IQGAP1: variants seen among roughly 807,000 people sequenced by gnomAD.
The protein encoded by IQGAP1 is IQ motif containing GTPase activating protein 1.
A neutral mutation model predicts 215.6 loss-of-function variants in IQGAP1; 66 were observed. That is an observed-to-expected ratio of 0.31 (90% CI 0.25 to 0.38). The LOEUF (loss-of-function observed/expected upper bound fraction) is 0.38, where lower values mean the gene tolerates loss of function less well. Among genes scored for constraint, IQGAP1 ranks in the 10% least tolerant of loss-of-function variants. The probability of loss-of-function intolerance (pLI) is 1.00; values close to 1 mark genes in which losing one functional copy is unlikely to be tolerated. For synonymous variants in IQGAP1, 772 were observed against 728.7 expected (o/e 1.06, Z -0.96); for missense variants, 1,712 against 1,997.1 (o/e 0.86, Z 2.72).
intron 35 of IQGAP1, among the ~76,000 whole-genome samples, chr15:90,493,272 T>C (rs1004241099): frequency 6.6e-6 from 1 of 151,892 alleles, no homozygotes; most frequent in African/African-American, 2.4e-5. Flanking sequence ...CCTTAGAAAT[T>C]AAAATCATGA....
At chr15:90,482,648 T>G in intron 28 of IQGAP1, 1 of 686,218 alleles carries the variant, frequency 1.5e-6, no homozygotes, top group Non-Finnish European at 1.8e-6. Context: ...TCAGCTATGC[T>G]CTTCTCTTTT....
At chr15:90,470,197 A>T (rs1270184700) in intron 18 of IQGAP1, among the ~76,000 whole-genome samples, 1 of 152,020 alleles carries the variant, frequency 6.6e-6, no homozygotes, top group Non-Finnish European at 1.5e-5. Flanking sequence ...CTCCCACTCT[A>T]CTCACCACTC....
chr15:90,469,104 G>T lies in IQGAP1; in HGVS notation c.2178+1512G>T, dbSNP rs533280623. 9.2e-5 allele frequency among the ~76,000 whole-genome samples: 14 copies of T among 152,312 alleles called. No homozygotes were observed. In the South Asian group the frequency reaches 2.9e-3, roughly 32 times the overall value. The stretch of plus-strand genomic sequence containing the variant: ...GAAGTTACATTGTCATTGATGGACT[G>T]TTGAGGACTTTTAAGTTTTAACTTG... On this transcript the variant is annotated intron_variant, in intron 18 of 37. Transcript: ENST00000268182.
chr15:90,397,119 G>A (rs1208011694), intron 2 of IQGAP1, among the ~76,000 whole-genome samples: 3 of 152,270 alleles, frequency 2.0e-5, no homozygotes, highest in South Asian at 2.1e-4. Context: ...CCCGCAAAGT[G>A]CTGGGATTAT....
chr15:90,455,198 G>C (rs62020734), intron 14 of IQGAP1, among the ~76,000 whole-genome samples: 27,384 of 152,036 alleles, frequency 0.18, 2,567 homozygotes, highest in South Asian at 0.23. Flanking sequence ...CCTGAGTTTT[G>C]GGTGTCCAGA....
chr15:90,421,283 C>T (rs187829099), intron 2 of IQGAP1, among the ~76,000 whole-genome samples: 42 of 152,262 alleles, frequency 2.8e-4, no homozygotes, highest in African/African-American at 9.9e-4. Flanking sequence ...CAGGACCAAC[C>T]TGGCCAACAT....
intron 11 of IQGAP1, among the ~76,000 whole-genome samples, chr15:90,451,662 T>C (rs1355543234): frequency 6.6e-6 from 1 of 151,872 alleles, no homozygotes; most frequent in East Asian, 1.9e-4. Flanking sequence ...ATGTCAGGTA[T>C]CAGATTTCAA....
chr15:90,407,610 A>T (rs761508574), intron 2 of IQGAP1, among the ~76,000 whole-genome samples: 1 of 152,222 alleles, frequency 6.6e-6, no homozygotes, highest in Non-Finnish European at 1.5e-5. Flanking sequence ...GAAGATTGTT[A>T]TGTTCTAACC....
chr15:90,482,336 C>G, intron 28 of IQGAP1, 55 bp downstream of exon 28: 1 of 1,523,916 alleles, frequency 6.6e-7, no homozygotes. Context: ...GCAATAAAAC[C>G]AGGGCTGACC....
chr15:90,404,726 G>A lies in IQGAP1; in HGVS notation c.155+13853G>A, dbSNP rs147281511. Among the ~76,000 whole-genome samples, 119 of 151,096 alleles carry A rather than the reference G, an allele frequency of 7.9e-4. 1 individual carries two copies. The highest frequency in any genetic ancestry group is 2.9e-3 in the African/African-American group (118 of 40,856). On this transcript the variant is annotated intron_variant, in intron 2 of 37. Coordinates refer to ENST00000268182, the MANE Select transcript of IQGAP1 (RefSeq NM_003870.4). ...CCCGAGGAACTGGGATTACAGGCGC[G>A]TATCACCACACTCAGCTAATTTTTG... is the stretch of plus-strand genomic sequence containing the variant.
In IQGAP1 at chr15:90,441,639, A is replaced by G. The variant is rs1949963284; in HGVS notation, c.783A>G (p.Ile261Met). ...EEPLASTYQD[I>M]LYQAKQDKMT... ...CCTTGGCATCCACTTACCAGGATAT[A>G]CTTTACCAGGCTAAGCAGGACAAAA... Residue 261 changes from isoleucine (I) to methionine (M), a missense_variant, in exon 8 of 38, where the codon ATA becomes ATG. Ile to Met is a conservative substitution (Grantham distance 10). Transcript: ENST00000268182. 5.6e-6 allele frequency: 9 copies of G among 1,613,160 alleles called. No individual in the cohort carries two copies. Among genetic ancestry groups the G allele is most frequent in the Non-Finnish European group, 7.6e-6 (9 of 1,179,618 alleles).
intron 1 of IQGAP1, 80 bp downstream of exon 1, chr15:90,388,476 C>T: frequency 1.7e-5 from 5 of 300,080 alleles, no homozygotes; most frequent in Admixed American, 8.0e-5. Context: ...GGGGCTCGGC[C>T]GGGCGGGTGG....
rs199590722 is a variant in IQGAP1, at chr15:90,445,138, A to AT, written c.913+1660_913+1661insT. Among the ~76,000 whole-genome samples the AT allele has an allele frequency of 2.0e-4, 30 of 150,606 alleles. 1 individual carries two copies. The highest frequency in any genetic ancestry group is 3.4e-3 in the Middle Eastern group (1 of 290). Reference sequence around the variant, plus strand: ...CCCTGCCTCAAAAAATTAATTAATTAATTTTTTTTTTTTAAAAAAGAATCT... The same window carrying AT: ...CCCTGCCTCAAAAAATTAATTAATTATATTTTTTTTTTTTAAAAAAGAATCT... On this transcript the variant is annotated intron_variant, in intron 9 of 37. Coordinates refer to ENST00000268182, the MANE Select transcript of IQGAP1 (RefSeq NM_003870.4).
chr15:90,454,626 T>TA, intron 14 of IQGAP1, 74 bp downstream of exon 14: 1 of 1,440,128 alleles, frequency 6.9e-7, no homozygotes, highest in Non-Finnish European at 9.2e-7. Context: ...TGGTTCAAAA[T>TA]ACTACTCCTA....
At chr15:90,455,582 G>A (rs1484970688) in intron 14 of IQGAP1, among the ~76,000 whole-genome samples, 1 of 152,226 alleles carries the variant, frequency 6.6e-6, no homozygotes, top group African/African-American at 2.4e-5. Flanking sequence ...TACCTGGGGA[G>A]TGAACGTTCC....
chr15:90,426,088 C>A, intron 2 of IQGAP1, 22 bp from the exon 3 acceptor site: 1 of 1,573,338 alleles, frequency 6.4e-7, no homozygotes, highest in Non-Finnish European at 8.6e-7. Flanking sequence ...TCTTTTTTTG[C>A]ATCCTCTCTC....
chr15:90,470,197 A>G (rs1270184700), intron 18 of IQGAP1, among the ~76,000 whole-genome samples: 1 of 152,020 alleles, frequency 6.6e-6, no homozygotes, highest in African/African-American at 2.4e-5. Flanking sequence ...CTCCCACTCT[A>G]CTCACCACTC....
In IQGAP1 at chr15:90,440,611, C is replaced by T. The variant is rs376578015; in HGVS notation, c.645C>T (p.Ala215=). 1.7e-4 allele frequency: 268 copies of T among 1,556,350 alleles called. No homozygotes were observed. Among genetic ancestry groups the T allele is most frequent in the Non-Finnish European group, 2.2e-4 (247 of 1,148,232 alleles). Residue 215 remains alanine (A), a synonymous_variant, in exon 7 of 38, where the codon GCC becomes GCT. Coordinates refer to ENST00000268182, the MANE Select transcript of IQGAP1 (RefSeq NM_003870.4). ...ILANELSVDE[A]ALHAAVIAIN... ...CTAATGAACTGTCAGTGGATGAAGCCGCATGTAAGAAGAGAGAAATTTTGT... is the reference window on the plus strand; with the variant it reads ...CTAATGAACTGTCAGTGGATGAAGCTGCATGTAAGAAGAGAGAAATTTTGT...
At chr15:90,440,877 G>A (rs1254279993) in intron 7 of IQGAP1, among the ~76,000 whole-genome samples, 1 of 152,218 alleles carries the variant, frequency 6.6e-6, no homozygotes, top group African/African-American at 2.4e-5. Context: ...GGGAGGCCAA[G>A]GCGGGTGGAT....
Sources: gnomAD v4.1 joint callset for allele counts (sites outside exome capture counted in the v4.1 genomes callset) on GRCh38, gnomAD v4.1.1 for gene constraint, MANE v1.5 for transcripts, NCBI Gene and HGNC (gene_info 2026-07-23, HGNC 2026-07-21) for gene names.